Variants in EXOC4 observed in about 807,000 individuals in gnomAD.
EXOC4 encodes the protein exocyst complex component 4, also known as SEC8-like 1.
EXOC4 carries 71 observed loss-of-function variants against 107.2 expected under a neutral mutation model. The ratio of observed to expected loss-of-function variants is 0.66; its 90% CI spans 0.55 to 0.81. The LOEUF (loss-of-function observed/expected upper bound fraction) is 0.81, where lower values mean the gene tolerates loss of function less well. EXOC4 is among the 30% of genes least tolerant of loss of function. The probability of loss-of-function intolerance (pLI) is 0.00; values close to 1 mark genes in which losing one functional copy is unlikely to be tolerated. For missense variants in EXOC4, 1,108 were observed against 1,189.6 expected (o/e 0.93, Z 1.01); for synonymous variants, 456 against 441.2 (o/e 1.03, Z -0.42).
At chr7:133,448,761 A>T (rs973609275) in intron 7 of EXOC4, among the ~76,000 whole-genome samples, 1 of 152,210 alleles carries the variant, frequency 6.6e-6, no homozygotes, top group African/African-American at 2.4e-5. Context: ...AGGTGAGGTC[A>T]TACTGAATTA....
At chr7:134,037,193 G>A (rs1253020535) in intron 17 of EXOC4, among the ~76,000 whole-genome samples, 1 of 152,156 alleles carries the variant, frequency 6.6e-6, no homozygotes, top group South Asian at 2.1e-4. Context: ...AAGACCGAAG[G>A]TACAAGATAT....
At chr7:133,323,752 T>C (rs1563018304) in intron 5 of EXOC4, among the ~76,000 whole-genome samples, 1 of 152,208 alleles carries the variant, frequency 6.6e-6, no homozygotes, top group Non-Finnish European at 1.5e-5. Flanking sequence ...ATTCCCTCTT[T>C]TTCTGTTGAT....
At chr7:134,034,308 A>C (rs1421528833) in intron 17 of EXOC4, among the ~76,000 whole-genome samples, 2 of 152,216 alleles carry the variant, frequency 1.3e-5, no homozygotes, top group African/African-American at 4.8e-5. Context: ...TTAGGAAAAA[A>C]AGCAACTATA....
intron 9 of EXOC4, among the ~76,000 whole-genome samples, chr7:133,561,090 A>G (rs1584998996): frequency 6.6e-6 from 1 of 152,138 alleles, no homozygotes; most frequent in East Asian, 1.9e-4. Context: ...AGGGTGACAG[A>G]TGTTTGACGT....
At chr7:133,947,092 C>T (rs528907821) in intron 14 of EXOC4, among the ~76,000 whole-genome samples, 144 of 152,254 alleles carry the variant, frequency 9.5e-4, no homozygotes, top group Middle Eastern at 3.4e-3. Context: ...TTGGCCTGTC[C>T]GAGCTAAATA....
At chr7:133,413,261 A>G (rs921664296) in intron 7 of EXOC4, among the ~76,000 whole-genome samples, 3 of 152,126 alleles carry the variant, frequency 2.0e-5, no homozygotes, top group Admixed American at 2.0e-4. Context: ...GAAGGTTATG[A>G]TGAAACTGGC....
At chr7:133,888,607 G>C (rs996562621) in intron 11 of EXOC4, among the ~76,000 whole-genome samples, 3 of 152,176 alleles carry the variant, frequency 2.0e-5, no homozygotes, top group African/African-American at 7.2e-5. Flanking sequence ...TCGGCATCTA[G>C]CTTTAAGATG....
chr7:133,613,141 CTA>C (rs1232683104), intron 9 of EXOC4, among the ~76,000 whole-genome samples: 1 of 152,004 alleles, frequency 6.6e-6, no homozygotes, highest in Non-Finnish European at 1.5e-5. Context: ...TGATATTAGT[CTA>C]TTTTTATCAT....
intron 14 of EXOC4, among the ~76,000 whole-genome samples, chr7:133,990,021 G>A (rs540822436): frequency 3.0e-4 from 46 of 152,190 alleles, no homozygotes; most frequent in Middle Eastern, 3.4e-3. Context: ...ATAGCTGTAC[G>A]TATTTTGGGG....
chr7:133,601,268 A>G (rs1336366158), intron 9 of EXOC4, among the ~76,000 whole-genome samples: 1 of 151,698 alleles, frequency 6.6e-6, no homozygotes, highest in Non-Finnish European at 1.5e-5. Flanking sequence ...TAGTCCTGTT[A>G]TTTTTATTTG....
At chr7:134,077,769 G>A in the EXOC4 span, among the ~76,000 whole-genome samples, 3 of 152,224 alleles carry the variant, frequency 2.0e-5, no homozygotes, top group East Asian at 3.8e-4. Flanking sequence ...GTTTGTCTGA[G>A]CACAGGCTTA....
rs534541461 is a variant in EXOC4 at position 133,901,334 on chromosome 7, T to C, written c.1871+5599T>C. Among the ~76,000 whole-genome samples, 17 of 152,290 alleles carry C rather than the reference T, an allele frequency of 1.1e-4. No homozygotes were observed. In the South Asian group the frequency reaches 3.5e-3, roughly 32 times the overall value. ...GTCATTGAAAAAATGTCCAACAGCA[T>C]AAGACTAAGTTGAGAATTGGGGAGC... is the stretch of plus-strand genomic sequence containing the variant. On this transcript the variant is annotated intron_variant, in intron 12 of 17. Transcript: ENST00000253861.
chr7:133,356,565 C>A lies in EXOC4; in HGVS notation c.999C>A (p.Asn333Lys), dbSNP rs761216417. 32 of 1,613,898 alleles carry A rather than the reference C, an allele frequency of 2.0e-5. No homozygotes were observed. Among genetic ancestry groups the A allele is most frequent in the Non-Finnish European group, 2.7e-5 (32 of 1,179,886 alleles). The change falls in exon 6 of 18, where the codon AAC (asparagine) becomes AAA (lysine). Residue 333 changes from asparagine to lysine, a missense_variant. By Grantham distance (94) the Asn-to-Lys change is moderately conservative (BLOSUM62 0). Coordinates refer to ENST00000253861, the MANE Select transcript of EXOC4 (RefSeq NM_021807.4). ...GGGGGGAGAACGTTACTGTGGAGAA[C>A]CAACCAAGGTAGGTGGGAGTGTATT... Reference protein sequence around the residue: ...YQRGENVTVENQPRLLLELLE... With the variant: ...YQRGENVTVEKQPRLLLELLE...
downstream of EXOC4, among the ~76,000 whole-genome samples, chr7:134,069,754 G>A (rs768265817): frequency 4.6e-5 from 7 of 152,192 alleles, no homozygotes; most frequent in Admixed American, 1.3e-4. Flanking sequence ...CTACAGGCAT[G>A]AGCCACCACA....
chr7:133,635,378 TTTCTTA>T (rs1299820164), intron 10 of EXOC4, among the ~76,000 whole-genome samples: 4 of 152,222 alleles, frequency 2.6e-5, no homozygotes, highest in African/African-American at 9.6e-5. Context: ...TTTTCATTCA[TTTCTTA>T]TTCTTTATTC....
intron 7 of EXOC4, among the ~76,000 whole-genome samples, chr7:133,417,658 C>G (rs1357560932): frequency 6.6e-6 from 1 of 152,126 alleles, no homozygotes; most frequent in Non-Finnish European, 1.5e-5. Flanking sequence ...TGCCTCTGTA[C>G]TAGTGACATC....
At chr7:133,744,525 G>A (rs1370046966) in intron 10 of EXOC4, among the ~76,000 whole-genome samples, 1 of 152,178 alleles carries the variant, frequency 6.6e-6, no homozygotes, top group Non-Finnish European at 1.5e-5. Flanking sequence ...TAGAGTTGTT[G>A]GTTTGGGAGA....
intron 11 of EXOC4, among the ~76,000 whole-genome samples, chr7:133,825,745 G>C (rs546756399): frequency 1.3e-5 from 2 of 152,194 alleles, no homozygotes; most frequent in African/African-American, 2.4e-5. Context: ...GTAGAGAATA[G>C]ATTCAGCTTT....
At chr7:133,885,514 T>C (rs1176637698) in intron 11 of EXOC4, among the ~76,000 whole-genome samples, 1 of 152,098 alleles carries the variant, frequency 6.6e-6, no homozygotes, top group East Asian at 1.9e-4. Context: ...GTGTTAGAGA[T>C]AGGAAGGCAC....
Sources: gnomAD v4.1 joint callset for allele counts (sites outside exome capture counted in the v4.1 genomes callset) on GRCh38, gnomAD v4.1.1 for gene constraint, MANE v1.5 for transcripts, NCBI Gene and HGNC (gene_info 2026-07-23, HGNC 2026-07-21) for gene names.